Variants in CTNND2 observed in about 807,000 individuals in gnomAD.
The protein encoded by CTNND2 is catenin delta-2.
In CTNND2, 22 loss-of-function variants were observed where a neutral mutation model predicts 144.4. The observed-to-expected ratio is 0.15, with a 90% CI of 0.11 to 0.22. The LOEUF (loss-of-function observed/expected upper bound fraction) is 0.22. CTNND2 is among the 10% of genes least tolerant of loss of function. The pLI, the probability that CTNND2 is intolerant of heterozygous loss-of-function variation, is 1.00. For synonymous variants in CTNND2, 751 were observed against 695.6 expected (o/e 1.08, Z -1.25); for missense variants, 1,353 against 1,618.8 (o/e 0.84, Z 2.82).
At chr5:11,702,649 G>A (rs929757840) in intron 2 of CTNND2, among the ~76,000 whole-genome samples, 13 of 152,116 alleles carry the variant, frequency 8.5e-5, no homozygotes, top group African/African-American at 2.4e-4. Flanking sequence ...TTGCTACACC[G>A]GATCCTAGGG....
intron 2 of CTNND2, among the ~76,000 whole-genome samples, chr5:11,593,236 A>G (rs7713093): frequency 0.26 from 39,345 of 152,086 alleles, 5,200 homozygotes; most frequent in African/African-American, 0.3. Flanking sequence ...ATTAAAATTG[A>G]GAAATTCTGT....
At chr5:11,423,193 A>G (rs571051779) in intron 3 of CTNND2, among the ~76,000 whole-genome samples, 2 of 152,332 alleles carry the variant, frequency 1.3e-5, no homozygotes, top group African/African-American at 2.4e-5. Context: ...CCAAACCATC[A>G]AACTGAATAG....
intron 1 of CTNND2, among the ~76,000 whole-genome samples, chr5:11,834,014 C>T (rs1370479488): frequency 6.6e-6 from 1 of 151,996 alleles, no homozygotes; most frequent in Non-Finnish European, 1.5e-5. Context: ...AGGCCTAAGT[C>T]CACCAAAAAA....
At chr5:11,537,312 G>A (rs2150064215) in intron 3 of CTNND2, among the ~76,000 whole-genome samples, 1 of 152,126 alleles carries the variant, frequency 6.6e-6, no homozygotes, top group South Asian at 2.1e-4. Context: ...TATAATATTT[G>A]GGCATTCTGA....
intron 9 of CTNND2, among the ~76,000 whole-genome samples, chr5:11,343,476 C>G (rs1471287439): frequency 4.6e-5 from 7 of 152,164 alleles, no homozygotes. Flanking sequence ...TTCCTTCATT[C>G]TTCCCAACTC....
chr5:11,179,990 G>T (rs1382022661), intron 11 of CTNND2, among the ~76,000 whole-genome samples: 2 of 152,192 alleles, frequency 1.3e-5, no homozygotes, highest in Non-Finnish European at 1.5e-5. Context: ...TTCATTGAGG[G>T]ATCGCTGAGG....
chr5:11,516,465 T>G (rs1287537215), intron 3 of CTNND2, among the ~76,000 whole-genome samples: 1 of 152,164 alleles, frequency 6.6e-6, no homozygotes, highest in Non-Finnish European at 1.5e-5. Context: ...GAAAACAATG[T>G]GTTGAACTGA....
At chr5:11,344,917 A>C (rs1217554030) in intron 9 of CTNND2, among the ~76,000 whole-genome samples, 1 of 152,234 alleles carries the variant, frequency 6.6e-6, no homozygotes, top group African/African-American at 2.4e-5. Flanking sequence ...AGCTAGAGAA[A>C]TATAATTTGG....
chr5:11,807,523 G>A (rs1484444465), intron 1 of CTNND2, among the ~76,000 whole-genome samples: 1 of 151,998 alleles, frequency 6.6e-6, no homozygotes, highest in Non-Finnish European at 1.5e-5. Context: ...CAATGTCATC[G>A]AGTTCAAAGG....
chr5:11,697,284 T>G (rs569751227), intron 2 of CTNND2, among the ~76,000 whole-genome samples: 2 of 152,230 alleles, frequency 1.3e-5, no homozygotes, highest in African/African-American at 4.8e-5. Flanking sequence ...CCCCAAAAAT[T>G]TGGACCTTAA....
At chr5:11,846,980 A>C (rs1237773061) in intron 1 of CTNND2, among the ~76,000 whole-genome samples, 1 of 151,726 alleles carries the variant, frequency 6.6e-6, no homozygotes. Flanking sequence ...AACTCAGTAC[A>C]TTGTTGGTAG....
At chr5:11,109,038 G>A (rs1389316983) in intron 14 of CTNND2, among the ~76,000 whole-genome samples, 1 of 152,210 alleles carries the variant, frequency 6.6e-6, no homozygotes, top group African/African-American at 2.4e-5. Flanking sequence ...GGCAGAGAGG[G>A]TCCTTCTGGG....
At chr5:11,346,880 C>T (rs1443026810) in intron 8 of CTNND2, among the ~76,000 whole-genome samples, 2 of 152,174 alleles carry the variant, frequency 1.3e-5, no homozygotes, top group Non-Finnish European at 2.9e-5. Context: ...CGCTTACCTA[C>T]ATCCAACAGA....
At chr5:11,490,266 T>C (rs1769266856) in intron 3 of CTNND2, among the ~76,000 whole-genome samples, 1 of 152,228 alleles carries the variant, frequency 6.6e-6, no homozygotes, top group Middle Eastern at 3.2e-3. Context: ...AGAAAATGGT[T>C]CACAATTGTG....
chr5:11,744,806 C>T (rs1167054215), intron 1 of CTNND2, among the ~76,000 whole-genome samples: 2 of 151,760 alleles, frequency 1.3e-5, no homozygotes, highest in Non-Finnish European at 2.9e-5. Context: ...GAGTGCAGTG[C>T]CACAATCTCG....
chr5:11,240,106 C>A (rs1742058926), intron 9 of CTNND2, among the ~76,000 whole-genome samples: 1 of 151,404 alleles, frequency 6.6e-6, no homozygotes, highest in Non-Finnish European at 1.5e-5. Flanking sequence ...ATTAGCCACA[C>A]AACACACACA....
intron 2 of CTNND2, among the ~76,000 whole-genome samples, chr5:11,572,855 T>C (rs969997063): frequency 1.3e-5 from 2 of 152,184 alleles, no homozygotes; most frequent in Admixed American, 1.3e-4. Context: ...CAGCTAAGAT[T>C]GAATGGTTTT....
At chr5:11,788,064 G>A (rs1336052022) in intron 1 of CTNND2, among the ~76,000 whole-genome samples, 2 of 152,128 alleles carry the variant, frequency 1.3e-5, no homozygotes, top group African/African-American at 4.8e-5. Flanking sequence ...TTTTTAAGAA[G>A]ATTTCAAAAC....
intron 15 of CTNND2, among the ~76,000 whole-genome samples, chr5:11,084,517 T>G (rs1362346354): frequency 6.6e-6 from 1 of 152,176 alleles, no homozygotes; most frequent in Non-Finnish European, 1.5e-5. Context: ...AATCAGGGTG[T>G]GGGGTCAACA....
Sources: gnomAD v4.1 joint callset for allele counts (sites outside exome capture counted in the v4.1 genomes callset) on GRCh38, gnomAD v4.1.1 for gene constraint, MANE v1.5 for transcripts, NCBI Gene and HGNC (gene_info 2026-07-23, HGNC 2026-07-21) for gene names.